STN1: variants seen among roughly 807,000 people sequenced by gnomAD.
STN1 encodes CST complex subunit STN1.
Under a neutral mutation model 45.5 loss-of-function variants are expected in STN1, and 29 were observed. That is an observed-to-expected ratio of 0.64 (90% CI 0.47 to 0.87). The LOEUF is 0.87. Among genes scored for constraint, STN1 ranks in the 40% least tolerant of loss-of-function variants. The probability of loss-of-function intolerance (pLI) is 0.00; values close to 1 mark genes in which losing one functional copy is unlikely to be tolerated. For synonymous variants in STN1, 148 were observed against 159.0 expected (o/e 0.93, Z 0.52); for missense variants, 376 against 441.4 (o/e 0.85, Z 1.33).
At chr10:103,909,701 A>G (rs1039109452) in intron 3 of STN1, among the ~76,000 whole-genome samples, 3 of 152,028 alleles carry the variant, frequency 2.0e-5, no homozygotes, top group African/African-American at 2.4e-5. Context: ...GGGACTGCCA[A>G]TGAAACGCTC....
chr10:103,901,416 G>A (rs1438824797), intron 4 of STN1, among the ~76,000 whole-genome samples: 1 of 152,072 alleles, frequency 6.6e-6, no homozygotes, highest in Non-Finnish European at 1.5e-5. Flanking sequence ...ACTGTATGGG[G>A]GCAGTATAGC....
At chr10:103,901,436 G>T (rs1356803917) in intron 4 of STN1, among the ~76,000 whole-genome samples, 1 of 151,966 alleles carries the variant, frequency 6.6e-6, no homozygotes, top group East Asian at 1.9e-4. Flanking sequence ...CTCAGCCATC[G>T]GCATTTTGGC....
intron 4 of STN1, among the ~76,000 whole-genome samples, chr10:103,901,647 A>T (rs923388206): frequency 6.6e-6 from 1 of 152,220 alleles, no homozygotes; most frequent in Non-Finnish European, 1.5e-5. Context: ...CTAATTGAAC[A>T]CTTACATTCT....
intron 2 of STN1, 85 bp downstream of exon 2, chr10:103,917,376 TA>T: frequency 7.5e-7 from 1 of 1,335,436 alleles, no homozygotes; most frequent in Non-Finnish European, 1.0e-6. Flanking sequence ...AAGGCTCTCC[TA>T]AAAGCCTCTA....
chr10:103,898,582 G>A (rs552012476), intron 6 of STN1, among the ~76,000 whole-genome samples: 1 of 152,204 alleles, frequency 6.6e-6, no homozygotes, highest in South Asian at 2.1e-4. Flanking sequence ...AAAATGTCAG[G>A]CATTATTATT....
intron 9 of STN1, among the ~76,000 whole-genome samples, chr10:103,888,584 G>A (rs946507091): frequency 6.6e-6 from 1 of 152,184 alleles, no homozygotes; most frequent in Non-Finnish European, 1.5e-5. Context: ...TTCATAAACA[G>A]TCATGTCTAG....
chr10:103,878,506 G>A lies in STN1; in HGVS notation c.*4178C>T, dbSNP rs1843045267. The A allele has an allele frequency of 6.6e-6, 1 of 152,180 alleles. No individual in the cohort carries two copies. Among genetic ancestry groups the A allele is most frequent in the South Asian group, 2.1e-4 (1 of 4,838 alleles). The allele number at this position is 152,180 out of a possible 1,614,324, so 9.4% of individuals were successfully genotyped here. On this transcript the variant is annotated 3_prime_UTR_variant, in exon 10 of 10. Coordinates refer to ENST00000224950, the MANE Select transcript of STN1 (RefSeq NM_024928.5). ...ATAATTTTTGTAGAAATTATATAAG[G>A]AGTCAGGAGTTTGAGACTGCCCGGG...
At chr10:103,906,707 A>C (rs1249111234) in intron 3 of STN1, among the ~76,000 whole-genome samples, 4 of 152,036 alleles carry the variant, frequency 2.6e-5, no homozygotes, top group Non-Finnish European at 5.9e-5. Flanking sequence ...AATAAGAAAA[A>C]GATCAACATC....
chr10:103,910,711 A>G (rs1160794640), intron 2 of STN1, 89 bp from the exon 3 acceptor site: 2 of 673,298 alleles, frequency 3.0e-6, no homozygotes, highest in East Asian at 5.6e-5. Context: ...AAGGGAGTGT[A>G]AAAAAATCAA....
rs1364066229 is a variant in STN1, at chr10:103,902,750, A to T, written c.295+2341T>A. 3.3e-5 allele frequency among the ~76,000 whole-genome samples: 5 copies of T among 152,360 alleles called. No homozygotes were observed. In the East Asian group the frequency reaches 9.6e-4, roughly 29 times the overall value. ...TTTAAAAAATTAGTCTTTGCTGGCC[A>T]CCTTCCAATGGAAAGCTTTTAAACT... On this transcript the variant is annotated intron_variant, in intron 4 of 9. Transcript: ENST00000224950.
intron 8 of STN1, among the ~76,000 whole-genome samples, chr10:103,891,102 G>A (rs1397393650): frequency 6.6e-6 from 1 of 152,200 alleles, no homozygotes; most frequent in Non-Finnish European, 1.5e-5. Flanking sequence ...AAATGGCCAT[G>A]CCCTCTGCTC....
chr10:103,892,675 T>C (rs1843147587), intron 7 of STN1, among the ~76,000 whole-genome samples: 1 of 152,180 alleles, frequency 6.6e-6, no homozygotes, highest in South Asian at 2.1e-4. Context: ...GTTGGAATAA[T>C]TTGGGGATTC....
intron 7 of STN1, among the ~76,000 whole-genome samples, chr10:103,894,289 A>T (rs997843702): frequency 1.3e-5 from 2 of 152,210 alleles, no homozygotes; most frequent in Non-Finnish European, 2.9e-5. Context: ...TGAGTATTAC[A>T]TGATTATTCC....
chr10:103,915,804 C>T (rs766503140), intron 2 of STN1, among the ~76,000 whole-genome samples: 3 of 151,946 alleles, frequency 2.0e-5, no homozygotes, highest in Admixed American at 6.6e-5. Flanking sequence ...ACAATTTTTC[C>T]GGGGATGGGG....
chr10:103,898,969 T>C lies in STN1; in HGVS notation c.489A>G (p.Gln163=), dbSNP rs1843189578. 6.2e-7 allele frequency: 1 copy of C among 1,614,166 alleles called. No individual in the cohort carries two copies. Among genetic ancestry groups the C allele is most frequent in the Non-Finnish European group, 8.5e-7 (1 of 1,180,018 alleles). Residue 163 remains glutamine (Q), a synonymous_variant, in exon 6 of 10, where the codon CAA becomes CAG. Transcript: ENST00000224950. ...TGGGCAGCTCAAGCATCCTTGCAAT[T>C]TGAATGTTCCACACTGGGTCGTCCA... ...YKVDDPVWNI[Q]IARMLELPTI...
chr10:103,914,335 C>CAT (rs1239270984), intron 2 of STN1, among the ~76,000 whole-genome samples: 24 of 35,564 alleles, frequency 6.7e-4, no homozygotes, highest in African/African-American at 1.5e-3. Flanking sequence ...ATTAAAAATA[C>CAT]ATATATATAT....
chr10:103,886,739 T>A (rs1022553322), intron 9 of STN1, among the ~76,000 whole-genome samples: 4 of 152,244 alleles, frequency 2.6e-5, no homozygotes, highest in Non-Finnish European at 5.9e-5. Context: ...TGAGTACTCT[T>A]CTAACTTTCT....
Position 103,917,559 on chromosome 10 carries a change from G to A in STN1, c.36C>T (p.Thr12=). The A allele has an allele frequency of 6.2e-7, 1 of 1,614,034 alleles. No individual in the cohort carries two copies. The highest frequency in any genetic ancestry group is 8.5e-7 in the Non-Finnish European group (1 of 1,179,932). ...QPGSSRCEEE[T]PSLLWGLDPV... ...GATCCAAACCCCACAAGAGGGAAGG[G>A]GTCTCCTCTTCACACCGGCTGGATC... Residue 12 remains threonine (T), a synonymous_variant, in exon 2 of 10, where the codon ACC becomes ACT. Transcript: ENST00000224950.
chr10:103,883,264 G>T (rs1443802438), intron 9 of STN1, among the ~76,000 whole-genome samples: 1 of 152,134 alleles, frequency 6.6e-6, no homozygotes, highest in Non-Finnish European at 1.5e-5. Flanking sequence ...GCCTCCGTAT[G>T]CTTCCCCCTA....
Sources: allele counts gnomAD v4.1 joint callset (sites outside exome capture counted in the v4.1 genomes callset), GRCh38; gene constraint gnomAD v4.1.1; transcripts MANE v1.5; gene names NCBI Gene and HGNC (gene_info 2026-07-23, HGNC 2026-07-21).